Variants in LMNB1 observed in about 807,000 individuals in gnomAD.
LMNB1 encodes the protein lamin B1, also known as lamin-B1.
Under a neutral mutation model 67.1 loss-of-function variants are expected in LMNB1, and 23 were observed. The ratio of observed to expected loss-of-function variants is 0.34; its 90% CI spans 0.25 to 0.49. The LOEUF is 0.49. Ranked by LOEUF, LMNB1 falls within the 20% of genes least tolerant of loss-of-function variation. The pLI, the probability that LMNB1 is intolerant of heterozygous loss-of-function variation, is 0.99. For missense variants in LMNB1, 634 were observed against 746.5 expected (o/e 0.85, Z 1.76); for synonymous variants, 281 against 282.9 (o/e 0.99, Z 0.07).
At chr5:126,783,364 A>ACT (rs78880020) in intron 1 of LMNB1, among the ~76,000 whole-genome samples, 118,066 of 151,614 alleles carry the variant, frequency 0.78, 46,527 homozygotes, top group African/African-American at 0.91. Flanking sequence ...TATTTTTATA[A>ACT]CTTAAAATAT....
chr5:126,822,296 A>AC (rs1433836171), intron 7 of LMNB1, among the ~76,000 whole-genome samples: 1 of 150,686 alleles, frequency 6.6e-6, no homozygotes, highest in African/African-American at 2.4e-5. Context: ...AGCCCCACTG[A>AC]CCCTTTTTTT....
At chr5:126,804,754 A>T (rs1184804263) in intron 1 of LMNB1, 22 bp from the exon 2 acceptor site, 1 of 1,610,524 alleles carries the variant, frequency 6.2e-7, no homozygotes, top group Non-Finnish European at 8.5e-7. Context: ...TTGATGTCTT[A>T]TGCTTTTTAA....
chr5:126,811,983 A>C, intron 5 of LMNB1, 85 bp downstream of exon 5: 2 of 1,328,866 alleles, frequency 1.5e-6, no homozygotes, highest in Non-Finnish European at 2.1e-6. Context: ...GGCTGATGTC[A>C]CTCCTCCCTC....
At chr5:126,819,626 G>T (rs1329465300) in intron 6 of LMNB1, among the ~76,000 whole-genome samples, 1 of 151,806 alleles carries the variant, frequency 6.6e-6, no homozygotes, top group African/African-American at 2.4e-5. Context: ...GAGTAACTGG[G>T]ATTACAGGCG....
At chr5:126,819,522 G>A (rs1043406064) in intron 6 of LMNB1, among the ~76,000 whole-genome samples, 1 of 151,406 alleles carries the variant, frequency 6.6e-6, no homozygotes, top group African/African-American at 2.4e-5. Flanking sequence ...CAGAGTCTCA[G>A]CCTGTTGCCC....
chr5:126,782,770 G>C (rs895496569), intron 1 of LMNB1, among the ~76,000 whole-genome samples: 4 of 151,922 alleles, frequency 2.6e-5, no homozygotes, highest in African/African-American at 9.7e-5. Context: ...GGATGGTCTT[G>C]ATCTCTTGAC....
Position 126,809,423 on chromosome 5 carries a change from A to C in LMNB1, c.643-757A>C, listed in dbSNP as rs552980288. On this transcript the variant is annotated intron_variant, in intron 3 of 10. Coordinates refer to ENST00000261366, the MANE Select transcript of LMNB1 (RefSeq NM_005573.4). Reference sequence around the variant, plus strand: ...GTTTTATGGCTGGGCAAGGTGGTTCACACCTGTAATCCCAGCAACTTGAGT... The same window carrying C: ...GTTTTATGGCTGGGCAAGGTGGTTCCCACCTGTAATCCCAGCAACTTGAGT... Among the ~76,000 whole-genome samples, 3 of 152,264 alleles carry C rather than the reference A, an allele frequency of 2.0e-5. No homozygotes were observed. In the South Asian group the frequency reaches 6.2e-4, roughly 32 times the overall value.
At chr5:126,785,187 C>T (rs1019883098) in intron 1 of LMNB1, among the ~76,000 whole-genome samples, 4 of 149,636 alleles carry the variant, frequency 2.7e-5, no homozygotes, top group African/African-American at 9.9e-5. Flanking sequence ...GGGGTTTCAC[C>T]ATGTCGGCCA....
intron 1 of LMNB1, among the ~76,000 whole-genome samples, chr5:126,796,339 C>G (rs1751091256): frequency 6.6e-6 from 1 of 152,062 alleles, no homozygotes. Context: ...TACACCTAGA[C>G]AAATGAAGGA....
intron 1 of LMNB1, among the ~76,000 whole-genome samples, chr5:126,785,826 C>T (rs1750767051): frequency 5.3e-5 from 8 of 151,720 alleles, no homozygotes; most frequent in Admixed American, 4.6e-4. Context: ...CCAGCCTGGC[C>T]AACATGGCAA....
intron 1 of LMNB1, among the ~76,000 whole-genome samples, chr5:126,787,619 C>T (rs558765024): frequency 4.4e-5 from 6 of 135,168 alleles, no homozygotes; most frequent in South Asian, 4.7e-4. Context: ...GGTGTGGTCT[C>T]GGCTCACTGC....
intron 5 of LMNB1, among the ~76,000 whole-genome samples, chr5:126,812,252 A>G (rs1477127462): frequency 2.6e-5 from 4 of 152,138 alleles, no homozygotes; most frequent in Non-Finnish European, 4.4e-5. Flanking sequence ...CCTTTTTTAT[A>G]TCATTTGAAA....
Position 126,810,275 on chromosome 5 carries a change from T to C in LMNB1, c.738T>C (p.Leu246=). ...ATGAGTACAAGCTGGCGCAAGCCCTTCATGAGATGAGAGAGCAACATGATG... is the reference window on the plus strand; with the variant it reads ...ATGAGTACAAGCTGGCGCAAGCCCTCCATGAGATGAGAGAGCAACATGATG... ...IEYEYKLAQA[L]HEMREQHDAQ... is the part of the protein sequence containing the mutation. The change falls in exon 4 of 11, where the codon CTT becomes CTC. Residue 246 remains leucine, a synonymous_variant. Transcript: ENST00000261366. 1.2e-6 allele frequency: 2 copies of C among 1,614,010 alleles called. No homozygotes were observed. The highest frequency in any genetic ancestry group is 1.7e-6 in the Non-Finnish European group (2 of 1,179,866).
At chr5:126,787,541 TATATA>T (rs1489505468) in intron 1 of LMNB1, among the ~76,000 whole-genome samples, 1 of 63,908 alleles carries the variant, frequency 1.6e-5, no homozygotes, top group East Asian at 3.6e-4. Context: ...TATATATATA[TATATA>T]TTTTTTTTTT....
chr5:126,819,280 G>A, intron 6 of LMNB1, 138 bp downstream of exon 6: 1 of 596,032 alleles, frequency 1.7e-6, no homozygotes, highest in Non-Finnish European at 3.0e-6. Flanking sequence ...TATAGAAGTA[G>A]TAATAGATCA....
At chr5:126,785,961 C>T (rs1750769502) in intron 1 of LMNB1, among the ~76,000 whole-genome samples, 1 of 151,550 alleles carries the variant, frequency 6.6e-6, no homozygotes. Context: ...TTGCAGTGAG[C>T]CGAGATCGTG....
At chr5:126,827,754 G>T (rs1466182431) in intron 9 of LMNB1, among the ~76,000 whole-genome samples, 1 of 152,240 alleles carries the variant, frequency 6.6e-6, no homozygotes, top group Non-Finnish European at 1.5e-5. Flanking sequence ...AAAGGAAGTA[G>T]AAGATGCAGC....
Position 126,832,798 on chromosome 5 carries a change from G to C in LMNB1, c.1716G>C (p.Gln572His), listed in dbSNP as rs753618407. The C allele has an allele frequency of 1.1e-5, 17 of 1,581,170 alleles. No individual in the cohort carries two copies. Among genetic ancestry groups the C allele is most frequent in the Middle Eastern group, 3.4e-4 (2 of 5,962 alleles). Reference protein sequence around the residue: ...GVVVEEELFHQQGTPRASNRS... With the variant: ...GVVVEEELFHHQGTPRASNRS... ...TTGTTGAGGAAGAACTTTTCCACCA[G>C]CAGGTATTACTTTATTTATTTAATA... Residue 572 changes from glutamine (Q) to histidine (H), a missense_variant, in exon 10 of 11, where the codon CAG (glutamine) becomes CAC (histidine). Physicochemically the swap from Gln to His is conservative, Grantham distance 24 (BLOSUM62 0). Transcript: ENST00000261366.
At chr5:126,810,421 CTTTATG>C in intron 4 of LMNB1, 71 bp downstream of exon 4, 1 of 1,152,116 alleles carries the variant, frequency 8.7e-7, no homozygotes, top group Non-Finnish European at 1.2e-6. Flanking sequence ...ATGAACATGG[CTTTATG>C]TTTATTTTGT....
Sources: gnomAD v4.1 joint callset for allele counts (sites outside exome capture counted in the v4.1 genomes callset) on GRCh38, gnomAD v4.1.1 for gene constraint, MANE v1.5 for transcripts, NCBI Gene and HGNC (gene_info 2026-07-23, HGNC 2026-07-21) for gene names.